Variants in CFAP69 observed in about 807,000 individuals in gnomAD.
The protein encoded by CFAP69 is cilia and flagella associated protein 69.
In CFAP69, 92 loss-of-function variants were observed where a neutral mutation model predicts 123.0. The observed-to-expected ratio is 0.75, with a 90% confidence interval of 0.63 to 0.89. The LOEUF is 0.89. Ranked by LOEUF, CFAP69 falls within the 40% of genes least tolerant of loss-of-function variation. The pLI, the probability that CFAP69 is intolerant of heterozygous loss-of-function variation, is 0.00. For synonymous variants in CFAP69, 380 were observed against 364.3 expected (o/e 1.04, Z -0.49); for missense variants, 1,067 against 1,096.9 (o/e 0.97, Z 0.39).
chr7:90,286,392 A>C lies in CFAP69; in HGVS notation c.1649A>C (p.Gln550Pro). 1 of 1,611,708 alleles carries C rather than the reference A, an allele frequency of 6.2e-7. No individual in the cohort carries two copies. The highest frequency in any genetic ancestry group is 8.5e-7 in the Non-Finnish European group (1 of 1,179,188). ...ILSGLCENHI[Q>P]RKEIFGTEGV... ...TCTGGCCTTTGTGAGAATCACATTC[A>C]AAGGAAGGTATGTATGCCTGTGAAA... is the stretch of plus-strand genomic sequence containing the variant. The change falls in exon 14 of 23, where the codon CAA (glutamine) becomes CCA (proline). Residue 550 changes from glutamine to proline, a missense_variant. Physicochemically the swap from Gln to Pro is moderately conservative, Grantham distance 76. Transcript: ENST00000389297.
rs372138862 is a variant in CFAP69, at chr7:90,304,434, A to G, written c.2189-310A>G. 7 of 1,202,580 alleles carry G rather than the reference A, an allele frequency of 5.8e-6. No individual in the cohort carries two copies. In the East Asian group the frequency reaches 1.3e-4, roughly 22 times the overall value. 74.5% of individuals were successfully genotyped at this position (1,202,580 alleles called of 1,614,324 possible). A position where few individuals can be genotyped will look rare whatever the true frequency, so the allele number is the denominator to read the frequency against. Reference sequence around the variant, plus strand: ...TTTTTTTTTTAAGTCTTTGCTGTCTATTAAGGAAAAAGTTTATCAAACACT... The same window carrying G: ...TTTTTTTTTTAAGTCTTTGCTGTCTGTTAAGGAAAAAGTTTATCAAACACT... On this transcript the variant is annotated intron_variant, in intron 18 of 22. Transcript: ENST00000389297.
At chr7:90,290,452 G>T (rs1320060775) in intron 15 of CFAP69, among the ~76,000 whole-genome samples, 4 of 152,190 alleles carry the variant, frequency 2.6e-5, no homozygotes, top group Non-Finnish European at 4.4e-5. Context: ...ATTCTGTTTA[G>T]ATCTTCAGTT....
At position 90,271,923 on chromosome 7, in the gene CFAP69, A is replaced by G. The variant is rs572302484; in HGVS notation, c.825A>G (p.Glu275=). 6.2e-7 allele frequency: 1 copy of G among 1,613,250 alleles called. No homozygotes were observed. Among genetic ancestry groups the G allele is most frequent in the East Asian group, 2.2e-5 (1 of 44,858 alleles). Residue 275 remains glutamate, a synonymous_variant, in exon 8 of 23, where the codon GAA becomes GAG. Coordinates refer to ENST00000389297, the MANE Select transcript of CFAP69 (RefSeq NM_001039706.3). ...WNLLEKSSKE[E]VIQQLSNLEC... ...TGCTGGAAAAATCTTCAAAAGAAGA[A>G]GTCATACAACAGCTTAGTAACTTGG...
chr7:90,303,537 C>A, intron 17 of CFAP69: 1 of 950,616 alleles, frequency 1.1e-6, no homozygotes, highest in Non-Finnish European at 1.3e-6. Context: ...TGACTTGTAT[C>A]TTCAATCCAT....
intron 12 of CFAP69, among the ~76,000 whole-genome samples, chr7:90,280,475 C>T (rs1789312102): frequency 6.6e-6 from 1 of 152,306 alleles, no homozygotes; most frequent in Non-Finnish European, 1.5e-5. Context: ...CGATTACAGG[C>T]GTGAGCCTGA....
chr7:90,292,326 G>T (rs1791325131), intron 15 of CFAP69, among the ~76,000 whole-genome samples: 1 of 152,118 alleles, frequency 6.6e-6, no homozygotes, highest in Non-Finnish European at 1.5e-5. Context: ...GGGCCTGTCA[G>T]AAAGTGACAT....
chr7:90,305,776 T>A (rs1395322220), intron 19 of CFAP69, among the ~76,000 whole-genome samples: 1 of 151,772 alleles, frequency 6.6e-6, no homozygotes, highest in African/African-American at 2.4e-5. Flanking sequence ...TATGATCCAA[T>A]CTTGATTAAA....
rs1325569950 is a variant in CFAP69, at chr7:90,308,005, A to G, written c.2550+151A>G. On this transcript the variant is annotated intron_variant, in intron 21 of 22. Transcript: ENST00000389297. ...ATGCTCATATGCAATTTAGAGTGATAAGTGAAACTGCATTTCACAGTTACA... is the reference window on the plus strand; with the variant it reads ...ATGCTCATATGCAATTTAGAGTGATGAGTGAAACTGCATTTCACAGTTACA... 4 of 501,480 alleles carry G rather than the reference A, an allele frequency of 8.0e-6. No homozygotes were observed. In the Admixed American group the frequency reaches 1.6e-4, roughly 20 times the overall value. The allele number at this position is 501,480 out of a possible 1,614,324, so 31.1% of individuals were successfully genotyped here. A position where few individuals can be genotyped will look rare whatever the true frequency, so the allele number is the denominator to read the frequency against.
At chr7:90,267,698 A>C (rs1799346444) in intron 5 of CFAP69, among the ~76,000 whole-genome samples, 7 of 152,204 alleles carry the variant, frequency 4.6e-5, no homozygotes, top group Admixed American at 3.9e-4. Context: ...ACTGAAGAGC[A>C]AAGTTCACCT....
At chr7:90,320,185 T>C in the CFAP69 span, among the ~76,000 whole-genome samples, 1 of 152,232 alleles carries the variant, frequency 6.6e-6, no homozygotes, top group East Asian at 1.9e-4. Flanking sequence ...CCTTTCTACA[T>C]GTAACATAGG....
intron 1 of CFAP69, among the ~76,000 whole-genome samples, chr7:90,252,589 G>C (rs529750696): frequency 3.5e-4 from 54 of 152,238 alleles, no homozygotes; most frequent in Non-Finnish European, 7.4e-5. Context: ...AAGATTACCT[G>C]AGCCTAGGGA....
At chr7:90,314,524 G>A (rs898729381), downstream of CFAP69, among the ~76,000 whole-genome samples, 4 of 151,686 alleles carry the variant, frequency 2.6e-5, no homozygotes, top group African/African-American at 9.7e-5. Flanking sequence ...AGCTATTTGG[G>A]AGGCTGAGAT....
Position 90,246,826 on chromosome 7 carries a change from T to C in CFAP69, c.120+1282T>C, listed in dbSNP as rs542149900. 3.9e-5 allele frequency among the ~76,000 whole-genome samples: 6 copies of C among 152,236 alleles called. No homozygotes were observed. The South Asian group carries it at 1.2e-3, about 32-fold the overall frequency. ...GGCAAGCAAGCGTGGATTTTTTTTT[T>C]TTTTTAGGGAAAAATACTTTTTAAA... On this transcript the variant is annotated intron_variant, in intron 1 of 22. Transcript: ENST00000389297.
In CFAP69 at chr7:90,262,298, C is replaced by G. The variant is rs146957956; in HGVS notation, c.356+242C>G. On this transcript the variant is annotated intron_variant, in intron 4 of 22. Transcript: ENST00000389297. ...AAATGCTTTCTTGTAATTAGTTACT[C>G]TGAAGTAAATGCTAAATATTAGATG... Among the ~76,000 whole-genome samples, 5 of 152,200 alleles carry G rather than the reference C, an allele frequency of 3.3e-5. No individual in the cohort carries two copies. The East Asian group carries it at 9.6e-4, about 29-fold the overall frequency.
At chr7:90,256,237 A>T (rs1017390728) in intron 2 of CFAP69, among the ~76,000 whole-genome samples, 1 of 152,200 alleles carries the variant, frequency 6.6e-6, no homozygotes, top group African/African-American at 2.4e-5. Context: ...AGGGACATGG[A>T]TGAAGCTGGA....
At chr7:90,304,643 G>GTAAA in intron 18 of CFAP69, 101 bp from the exon 19 acceptor site, 2 of 1,279,540 alleles carry the variant, frequency 1.6e-6, no homozygotes, top group East Asian at 5.0e-5. Context: ...TTTTAGATAG[G>GTAAA]TAGATAGATA....
At chr7:90,302,672 T>C (rs1792990998) in intron 17 of CFAP69, 1 of 152,160 alleles carries the variant, frequency 6.6e-6, no homozygotes, top group Non-Finnish European at 1.5e-5. Context: ...TTCTGTTATA[T>C]TGAACTGTGT....
chr7:90,299,174 G>A (rs972436034), intron 16 of CFAP69, among the ~76,000 whole-genome samples: 4 of 152,076 alleles, frequency 2.6e-5, no homozygotes, highest in Middle Eastern at 3.2e-3. Context: ...TCAAATAACA[G>A]TATACTGTAA....
chr7:90,309,436 A>G (rs1794057110), intron 22 of CFAP69, 69 bp downstream of exon 22: 1 of 824,440 alleles, frequency 1.2e-6, no homozygotes, highest in Non-Finnish European at 1.9e-6. Flanking sequence ...AACTGTGCAA[A>G]TATACTGAAA....
Sources: allele counts gnomAD v4.1 joint callset (sites outside exome capture counted in the v4.1 genomes callset), GRCh38; gene constraint gnomAD v4.1.1; transcripts MANE v1.5; gene names NCBI Gene and HGNC (gene_info 2026-07-23, HGNC 2026-07-21).